Variants in BAZ2B observed in about 807,000 individuals in gnomAD.
BAZ2B encodes bromodomain adjacent to zinc finger domain protein 2B.
BAZ2B carries 91 observed loss-of-function variants against 246.0 expected under a neutral mutation model. The ratio of observed to expected loss-of-function variants is 0.37; its 90% confidence interval spans 0.31 to 0.44. The LOEUF is 0.44. Among genes scored for constraint, BAZ2B ranks in the 20% least tolerant of loss-of-function variants. The pLI is 1.00. For missense variants in BAZ2B, 2,332 were observed against 2,533.7 expected (o/e 0.92, Z 1.71); for synonymous variants, 855 against 860.0 (o/e 0.99, Z 0.10).
chr2:159,577,105 C>T (rs572775093), intron 1 of BAZ2B, among the ~76,000 whole-genome samples: 1 of 148,008 alleles, frequency 6.8e-6, no homozygotes, highest in East Asian at 2.0e-4. Flanking sequence ...GTGTATGCCT[C>T]TAGTCCCAGC....
At chr2:159,531,749 T>G (rs980114313) in intron 2 of BAZ2B, among the ~76,000 whole-genome samples, 4 of 152,168 alleles carry the variant, frequency 2.6e-5, no homozygotes, top group African/African-American at 4.8e-5. Flanking sequence ...TGCTTTCACC[T>G]TGACATCACC....
At chr2:159,696,262 A>C in the BAZ2B span, among the ~76,000 whole-genome samples, 17 of 152,218 alleles carry the variant, frequency 1.1e-4, no homozygotes, top group African/African-American at 4.1e-4. Flanking sequence ...CCCAGTTCAA[A>C]AATGACTTCT....
the BAZ2B span, among the ~76,000 whole-genome samples, chr2:159,684,743 C>T: frequency 6.6e-6 from 1 of 152,146 alleles, no homozygotes; most frequent in South Asian, 2.1e-4. Context: ...CATAGCTATA[C>T]TTTTATTTGC....
intron 1 of BAZ2B, among the ~76,000 whole-genome samples, chr2:159,559,944 T>C (rs1369174273): frequency 4.6e-5 from 7 of 152,192 alleles, no homozygotes; most frequent in Non-Finnish European, 7.4e-5. Flanking sequence ...CTCAATAATA[T>C]TAACCCCCAG....
At chr2:159,683,116 C>T in the BAZ2B span, among the ~76,000 whole-genome samples, 2 of 152,100 alleles carry the variant, frequency 1.3e-5, no homozygotes, top group African/African-American at 4.8e-5. Context: ...AATGTATAGG[C>T]TTTCCTTGGG....
At chr2:159,692,603 T>C in the BAZ2B span, among the ~76,000 whole-genome samples, 1 of 152,116 alleles carries the variant, frequency 6.6e-6, no homozygotes. Context: ...GTAATCGCAG[T>C]TACTCAGGAG....
intron 3 of BAZ2B, among the ~76,000 whole-genome samples, chr2:159,472,547 A>C (rs954386373): frequency 8.5e-4 from 130 of 152,332 alleles, no homozygotes; most frequent in African/African-American, 3.0e-3. Flanking sequence ...GAGAGAGGGC[A>C]TCTTTGTCTT....
At chr2:159,438,830 A>T in intron 7 of BAZ2B, 135 bp from the exon 8 acceptor site, 1 of 1,289,266 alleles carries the variant, frequency 7.8e-7, no homozygotes, top group Non-Finnish European at 1.1e-6. Context: ...AAATCTAAAA[A>T]TTCGTAAAAG....
At position 159,428,381 on chromosome 2, in the gene BAZ2B, C is replaced by G. The variant is rs777157491; in HGVS notation, c.2294G>C (p.Arg765Pro). ...RETRIRNFGG[R>P]LQGEVAYYAP... ...ATAATATGCTACTTCTCCTTGAAGGCGCCCTCCAAAGTTTCTTATTCTTGT... is the reference window on the plus strand; with the variant it reads ...ATAATATGCTACTTCTCCTTGAAGGGGCCCTCCAAAGTTTCTTATTCTTGT... The change falls in exon 12 of 37, where the codon CGC becomes CCC. Residue 765 changes from arginine (R) to proline (P), a missense_variant. By Grantham distance (103) the Arg-to-Pro change is moderately radical (BLOSUM62 -2). Around this residue, in one of 9 missense-constraint regions of BAZ2B, gnomAD observed 651 missense variants for 650.9 expected, o/e 1.00. Coordinates refer to ENST00000392783, the MANE Select transcript of BAZ2B (RefSeq NM_013450.4). 9 of 1,613,174 alleles carry G rather than the reference C, an allele frequency of 5.6e-6. No individual in the cohort carries two copies. The South Asian group carries it at 9.9e-5, about 18-fold the overall frequency.
chr2:159,409,176 G>C (rs1406280745), intron 14 of BAZ2B, among the ~76,000 whole-genome samples: 1 of 152,094 alleles, frequency 6.6e-6, no homozygotes, highest in Non-Finnish European at 1.5e-5. Context: ...TAGAATTAGA[G>C]ATATTTTGGA....
intron 36 of BAZ2B, among the ~76,000 whole-genome samples, chr2:159,321,210 T>C (rs2062677139): frequency 6.6e-6 from 1 of 152,218 alleles, no homozygotes; most frequent in African/African-American, 2.4e-5. Flanking sequence ...GTTCAATACA[T>C]TTTAAAAGAT....
At chr2:159,485,656 C>T (rs1028486600) in intron 2 of BAZ2B, among the ~76,000 whole-genome samples, 12 of 152,038 alleles carry the variant, frequency 7.9e-5, no homozygotes, top group African/African-American at 2.9e-4. Flanking sequence ...AACCAGCTCT[C>T]AAGTTTCTAT....
chr2:159,437,808 T>C (rs2072664079), intron 8 of BAZ2B: 1 of 153,680 alleles, frequency 6.5e-6, no homozygotes, highest in African/African-American at 2.4e-5. Flanking sequence ...TCCCACCTAC[T>C]AGGAAGTCTG....
intron 34 of BAZ2B, among the ~76,000 whole-genome samples, chr2:159,330,227 A>T (rs2064489410): frequency 6.6e-6 from 1 of 152,234 alleles, no homozygotes; most frequent in African/African-American, 2.4e-5. Context: ...ACCTTATTTG[A>T]TCTTCACAAA....
chr2:159,538,593 T>C (rs1225179800), intron 2 of BAZ2B, among the ~76,000 whole-genome samples: 4 of 152,196 alleles, frequency 2.6e-5, no homozygotes, highest in Non-Finnish European at 5.9e-5. Flanking sequence ...CTTAATATTA[T>C]GGCAAAAAAG....
At chr2:159,602,065 T>C (rs1411707312) in intron 1 of BAZ2B, among the ~76,000 whole-genome samples, 1 of 152,194 alleles carries the variant, frequency 6.6e-6, no homozygotes, top group Non-Finnish European at 1.5e-5. Flanking sequence ...AACTGGAGTC[T>C]TCTGGAAGAA....
intron 3 of BAZ2B, among the ~76,000 whole-genome samples, chr2:159,473,155 T>C (rs1231532311): frequency 6.6e-6 from 1 of 152,060 alleles, no homozygotes; most frequent in Non-Finnish European, 1.5e-5. Flanking sequence ...TACTGGCTCC[T>C]CTTTGTACCT....
At chr2:159,587,231 A>AC (rs369213550) in intron 1 of BAZ2B, among the ~76,000 whole-genome samples, 66 of 152,104 alleles carry the variant, frequency 4.3e-4, no homozygotes, top group African/African-American at 1.4e-3. Context: ...GGCGCCTGCC[A>AC]CCACGCCTGG....
At chr2:159,508,865 T>C (rs2082613530) in intron 2 of BAZ2B, among the ~76,000 whole-genome samples, 2 of 152,172 alleles carry the variant, frequency 1.3e-5, no homozygotes, top group Non-Finnish European at 2.9e-5. Flanking sequence ...TCATTACTGT[T>C]TGTGGGTTTG....
Sources: allele counts gnomAD v4.1 joint callset (sites outside exome capture counted in the v4.1 genomes callset), GRCh38; gene constraint gnomAD v4.1.1; regional missense constraint gnomAD v4.1.1; transcripts MANE v1.5; gene names NCBI Gene and HGNC (gene_info 2026-07-23, HGNC 2026-07-21).